PSD2: variants seen among roughly 807,000 people sequenced by gnomAD.
PSD2 encodes the protein PH and SEC7 domain-containing protein 2.
PSD2 carries 38 observed loss-of-function variants against 69.8 expected under a neutral mutation model. The observed-to-expected ratio is 0.54, with a 90% CI of 0.42 to 0.71. The LOEUF (loss-of-function observed/expected upper bound fraction) is 0.71, where lower values mean the gene tolerates loss of function less well. PSD2 is among the 30% of genes least tolerant of loss of function. PSD2 has a pLI of 0.00. For synonymous variants in PSD2, 412 were observed against 423.0 expected (o/e 0.97, Z 0.32); for missense variants, 943 against 1,014.5 (o/e 0.93, Z 0.96).
the PSD2 span, among the ~76,000 whole-genome samples, chr5:139,774,004 C>T: frequency 1.4e-5 from 2 of 140,776 alleles, no homozygotes; most frequent in Non-Finnish European, 3.1e-5. Flanking sequence ...GACATTGTCC[C>T]TCAATGTCCC....
At chr5:139,763,885 GCCTCCCCAGCTGAGTTGGGT>G in the PSD2 span, among the ~76,000 whole-genome samples, 19 of 152,302 alleles carry the variant, frequency 1.2e-4, no homozygotes, top group South Asian at 3.9e-3. Flanking sequence ...TCTCTCTGCT[GCCTCCCCAGCTGAGTTGGGT>G]CCTCCCTCAT....
the PSD2 span, among the ~76,000 whole-genome samples, chr5:139,784,656 T>G: frequency 6.6e-6 from 1 of 152,210 alleles, no homozygotes; most frequent in Admixed American, 6.5e-5. Context: ...TGCTCCTTGC[T>G]GGTCCATGAA....
chr5:139,792,536 C>T (rs1561587591), upstream of PSD2, among the ~76,000 whole-genome samples: 1 of 152,032 alleles, frequency 6.6e-6, no homozygotes, highest in Non-Finnish European at 1.5e-5. Flanking sequence ...AGCCTTGGCA[C>T]CTGCTTCTTA....
At chr5:139,803,471 T>G (rs1432556233) in intron 1 of PSD2, among the ~76,000 whole-genome samples, 1 of 152,196 alleles carries the variant, frequency 6.6e-6, no homozygotes, top group Non-Finnish European at 1.5e-5. Context: ...GCCATCTCCT[T>G]TAGTCCTCAC....
At chr5:139,822,296 G>T (rs762882972) in intron 6 of PSD2, among the ~76,000 whole-genome samples, 24 of 152,372 alleles carry the variant, frequency 1.6e-4, no homozygotes, top group South Asian at 1.0e-3. Context: ...CTGTCATGGT[G>T]CTGGCTGTTG....
At chr5:139,766,929 C>CTTT in the PSD2 span, among the ~76,000 whole-genome samples, 712 of 19,538 alleles carry the variant, frequency 0.036, 43 homozygotes, top group African/African-American at 0.059. Flanking sequence ...TCCTTCCTTC[C>CTTT]CTTCTTTCTT....
chr5:139,782,562 C>T, the PSD2 span, among the ~76,000 whole-genome samples: 4 of 146,044 alleles, frequency 2.7e-5, no homozygotes, highest in Non-Finnish European at 6.0e-5. Flanking sequence ...GCGTGATCTG[C>T]GCTCACTGCA....
intron 1 of PSD2, among the ~76,000 whole-genome samples, chr5:139,808,161 T>G (rs977457548): frequency 2.6e-5 from 4 of 152,168 alleles, no homozygotes; most frequent in African/African-American, 2.4e-5. Flanking sequence ...CTGGGAGAAA[T>G]GGCCCAGATT....
chr5:139,777,307 C>G, the PSD2 span, among the ~76,000 whole-genome samples: 13,011 of 152,176 alleles, frequency 0.085, 611 homozygotes, highest in African/African-American at 0.098. Context: ...GAAAAATATC[C>G]CCAATCCTAC....
chr5:139,786,151 G>A, the PSD2 span, among the ~76,000 whole-genome samples: 2 of 152,176 alleles, frequency 1.3e-5, no homozygotes, highest in African/African-American at 4.8e-5. Flanking sequence ...TTTGGAGGCT[G>A]AGGCAGGAGG....
chr5:139,813,687 T>C lies in PSD2; in HGVS notation c.750T>C (p.Asp250=). ...LMAMPNGFHE[D]GPQGPGGDED... is the part of the protein sequence containing the mutation. Reference sequence around the variant, plus strand: ...CCATGCCCAATGGATTCCATGAAGATGGCCCTCAGGGCCCAGGGGGGGATG... The same window carrying C: ...CCATGCCCAATGGATTCCATGAAGACGGCCCTCAGGGCCCAGGGGGGGATG... Residue 250 remains aspartate (D), a synonymous_variant, in exon 3 of 15, where the codon GAT becomes GAC. Coordinates refer to ENST00000274710, the MANE Select transcript of PSD2 (RefSeq NM_032289.4). The C allele has an allele frequency of 6.2e-7, 1 of 1,613,714 alleles. No individual in the cohort carries two copies. Among genetic ancestry groups the C allele is most frequent in the Non-Finnish European group, 8.5e-7 (1 of 1,179,902 alleles).
intron 7 of PSD2, among the ~76,000 whole-genome samples, chr5:139,830,022 AAAAGAT>A (rs1047668141): frequency 1.6e-4 from 25 of 151,744 alleles, no homozygotes; most frequent in African/African-American, 4.1e-4. Context: ...AAAAAAAAAA[AAAAGAT>A]AGCCATCCTA....
intron 7 of PSD2, among the ~76,000 whole-genome samples, chr5:139,824,266 T>C (rs1760352589): frequency 6.6e-6 from 1 of 152,208 alleles, no homozygotes; most frequent in Non-Finnish European, 1.5e-5. Flanking sequence ...TTGGTGGGCC[T>C]TAGCTGGCAT....
At chr5:139,781,646 T>A in the PSD2 span, among the ~76,000 whole-genome samples, 243 of 149,336 alleles carry the variant, frequency 1.6e-3, no homozygotes, top group African/African-American at 5.6e-3. Context: ...TTTTTTTTTT[T>A]ATTTTGAGAT....
chr5:139,801,025 C>T (rs936168735), intron 1 of PSD2, among the ~76,000 whole-genome samples: 7 of 151,926 alleles, frequency 4.6e-5, no homozygotes, highest in Non-Finnish European at 8.8e-5. Context: ...GCCAACATGA[C>T]GAAATTCCGT....
At chr5:139,754,781 G>A in the PSD2 span, among the ~76,000 whole-genome samples, 42 of 152,296 alleles carry the variant, frequency 2.8e-4, no homozygotes, top group East Asian at 7.9e-3. Flanking sequence ...GGAGGCTGAG[G>A]TGGGAGGATC....
In PSD2 at chr5:139,833,765, C is replaced by G. The variant is rs771381703; in HGVS notation, c.1333C>G (p.Gln445Glu). The G allele has an allele frequency of 1.2e-6, 2 of 1,613,766 alleles. No homozygotes were observed. The highest frequency in any genetic ancestry group is 1.7e-6 in the Non-Finnish European group (2 of 1,179,726). ...IANLDQLNDGQDFAKDLLKTL... is the reference protein window; with the variant it reads ...IANLDQLNDGEDFAKDLLKTL... ...CAACTTGGACCAGCTGAATGATGGC[C>G]AAGACTTTGCCAAAGACCTGCTGAA... The change falls in exon 8 of 15, where the codon CAA becomes GAA. Residue 445 changes from glutamine (Q) to glutamate (E), a missense_variant. Coordinates refer to ENST00000274710, the MANE Select transcript of PSD2 (RefSeq NM_032289.4).
chr5:139,837,507 T>C lies in PSD2; in HGVS notation c.1666-118T>C. 2 of 1,115,266 alleles carry C rather than the reference T, an allele frequency of 1.8e-6. No homozygotes were observed. Among genetic ancestry groups the C allele is most frequent in the Non-Finnish European group, 2.6e-6 (2 of 780,764 alleles). The allele number at this position is 1,115,266 out of a possible 1,614,324, so 69.1% of individuals were successfully genotyped here. ...GTACCTGGATTCTTGTTGGGGTGGG[T>C]GAGGCAGCAGGAACAGAAAATTAAG... On this transcript the variant is annotated intron_variant, in intron 11 of 14. Coordinates refer to ENST00000274710, the MANE Select transcript of PSD2 (RefSeq NM_032289.4). The surrounding 1 kb of genome is among the most constrained non-coding windows in gnomAD (Gnocchi z 5.0).
At position 139,840,034 on chromosome 5, in the gene PSD2, A is replaced by G; in HGVS notation, c.1976A>G (p.Gln659Arg). ...SCTTRLCQEE[Q>R]LRSHENKLRQ... Reference sequence around the variant, plus strand: ...CAGGATTTGTCTTTGCAGGAGGAGCAACTGCGGTCTCATGAGAATAAGTTG... The same window carrying G: ...CAGGATTTGTCTTTGCAGGAGGAGCGACTGCGGTCTCATGAGAATAAGTTG... Residue 659 changes from glutamine to arginine, a missense_variant, in exon 14 of 15, where the codon CAA becomes CGA. Physicochemically the swap from Gln to Arg is conservative, Grantham distance 43. This residue lies in a region of PSD2 where 165 missense variants were observed against 168.8 expected (regional missense o/e 0.98). Transcript: ENST00000274710. The G allele has an allele frequency of 3.1e-6, 5 of 1,614,210 alleles. No homozygotes were observed. Among genetic ancestry groups the G allele is most frequent in the Non-Finnish European group, 4.2e-6 (5 of 1,180,048 alleles).
Sources: gnomAD v4.1 joint callset for allele counts (sites outside exome capture counted in the v4.1 genomes callset) on GRCh38, gnomAD v4.1.1 for gene constraint, gnomAD v4.1.1 regional missense constraint, Gnocchi (gnomAD v3.1) non-coding constraint, MANE v1.5 for transcripts, NCBI Gene and HGNC (gene_info 2026-07-23, HGNC 2026-07-21) for gene names.